RNF216: variants seen among roughly 807,000 people sequenced by gnomAD.
RNF216 encodes E3 ubiquitin-protein ligase RNF216.
A neutral mutation model predicts 110.8 loss-of-function variants in RNF216; 72 were observed. That is an observed-to-expected ratio of 0.65 (90% CI 0.54 to 0.79). The LOEUF is 0.79. Ranked by LOEUF, RNF216 falls within the 30% of genes least tolerant of loss-of-function variation. The pLI is 0.00. For missense variants in RNF216, 1,342 were observed against 1,141.2 expected, an observed-to-expected ratio of 1.18 and a Z score of -2.54; for synonymous variants, 495 against 407.5, an observed-to-expected ratio of 1.21 and a Z score of -2.59.
intron 13 of RNF216, among the ~76,000 whole-genome samples, chr7:5,668,682 G>A (rs1789694197): frequency 6.6e-6 from 1 of 152,198 alleles, no homozygotes; most frequent in Non-Finnish European, 1.5e-5. Context: ...ATAGGTGGGA[G>A]ACACCCAGAG....
chr7:5,644,990 A>G (rs1233360728), intron 14 of RNF216, among the ~76,000 whole-genome samples: 1 of 151,528 alleles, frequency 6.6e-6, no homozygotes, highest in Non-Finnish European at 1.5e-5. Flanking sequence ...ACGCCTGGCT[A>G]ATTTTTGCAT....
chr7:5,622,056 T>C lies in RNF216; in HGVS notation c.*804A>G, dbSNP rs1786399917. On this transcript the variant is annotated 3_prime_UTR_variant, in exon 17 of 17. Coordinates refer to ENST00000389902, the MANE Select transcript of RNF216 (RefSeq NM_207111.4). ...CTCATCACCCAGGGTGGCAGAAACG[T>C]CTCCCCCAGCAGTTGGGCTGCCCAG... is the stretch of plus-strand genomic sequence containing the variant. 6.6e-6 allele frequency: 1 copy of C among 152,154 alleles called. No homozygotes were observed. The highest frequency in any genetic ancestry group is 2.4e-5 in the African/African-American group (1 of 41,370). The allele number at this position is 152,154 out of a possible 1,614,324, so 9.4% of individuals were successfully genotyped here.
chr7:5,674,148 G>T (rs1216218276), intron 13 of RNF216, among the ~76,000 whole-genome samples: 1 of 151,812 alleles, frequency 6.6e-6, no homozygotes, highest in Non-Finnish European at 1.5e-5. Context: ...TCCTGCCTCA[G>T]CCTCCTGAAT....
Position 5,730,785 on chromosome 7 carries a change from T to TCC in RNF216, c.1153_1154insGG (p.Tyr385TrpfsTer11), listed in dbSNP as rs1794041551. On this transcript the variant is annotated frameshift_variant, in exon 6 of 17. Coordinates refer to ENST00000389902, the MANE Select transcript of RNF216 (RefSeq NM_207111.4). LOFTEE classifies it high-confidence loss of function. ...AATGATTCTGTCTTCTCTCTTTGGA[T>TCC]AATCTGGGTTTTCCAGAAGAAAATT... is the stretch of plus-strand genomic sequence containing the variant. The TCC allele has an allele frequency of 6.2e-7, 1 of 1,606,474 alleles. No individual in the cohort carries two copies. Among genetic ancestry groups the TCC allele is most frequent in the African/African-American group, 1.3e-5 (1 of 74,096 alleles).
intron 13 of RNF216, among the ~76,000 whole-genome samples, chr7:5,654,870 C>T (rs1369910557): frequency 1.3e-5 from 2 of 152,002 alleles, no homozygotes; most frequent in East Asian, 1.9e-4. Context: ...CTAACTATTA[C>T]CCACCGAAAC....
chr7:5,637,436 C>T (rs1787461959), intron 15 of RNF216, among the ~76,000 whole-genome samples: 1 of 152,228 alleles, frequency 6.6e-6, no homozygotes, highest in African/African-American at 2.4e-5. Context: ...CCCAGCTTCC[C>T]ACCCAGTTAG....
intron 13 of RNF216, among the ~76,000 whole-genome samples, chr7:5,660,686 T>G (rs529873407): frequency 6.6e-6 from 1 of 152,158 alleles, no homozygotes; most frequent in Non-Finnish European, 1.5e-5. Flanking sequence ...CAAGCGATCC[T>G]CCCACCTCAG....
chr7:5,685,358 T>C (rs1235344806), intron 13 of RNF216, among the ~76,000 whole-genome samples: 1 of 152,200 alleles, frequency 6.6e-6, no homozygotes, highest in Admixed American at 6.5e-5. Context: ...TCTGGGTCCA[T>C]GCTCTGTTGG....
At chr7:5,682,683 G>T (rs1272799600) in intron 13 of RNF216, among the ~76,000 whole-genome samples, 1 of 152,178 alleles carries the variant, frequency 6.6e-6, no homozygotes, top group South Asian at 2.1e-4. Flanking sequence ...CTGGGATATC[G>T]GCGTGAGCCT....
rs752803327 is a variant in RNF216, at chr7:5,769,716, GT to G, written c.-69-8579del. ...TCCAACCTGGGAGACAGTGAGAGCT[GT>G]CTCAAAAAAAAGAAAAAAAGAAAAA... is the stretch of plus-strand genomic sequence containing the variant. On this transcript the variant is annotated intron_variant, in intron 1 of 16. Coordinates refer to ENST00000389902, the MANE Select transcript of RNF216 (RefSeq NM_207111.4). 1.5e-4 allele frequency among the ~76,000 whole-genome samples: 23 copies of G among 149,698 alleles called. No individual in the cohort carries two copies. In the Middle Eastern group the frequency reaches 0.011, roughly 69 times the overall value.
chr7:5,708,374 C>T (rs1792435268), intron 13 of RNF216, among the ~76,000 whole-genome samples: 1 of 152,124 alleles, frequency 6.6e-6, no homozygotes, highest in Non-Finnish European at 1.5e-5. Flanking sequence ...CTTCGGCTGT[C>T]AATATTTGCT....
intron 16 of RNF216, 86 bp downstream of exon 16, chr7:5,623,970 G>T: frequency 8.6e-7 from 1 of 1,168,718 alleles, no homozygotes; most frequent in South Asian, 1.3e-5. Context: ...GTGCTGGGTT[G>T]AGTGCCAGGA....
At chr7:5,719,326 T>C (rs1793266873) in intron 9 of RNF216, among the ~76,000 whole-genome samples, 1 of 152,162 alleles carries the variant, frequency 6.6e-6, no homozygotes, top group African/African-American at 2.4e-5. Context: ...CAGTAAGCCA[T>C]GATTGCATCA....
chr7:5,702,965 T>C (rs1792064260), intron 13 of RNF216, among the ~76,000 whole-genome samples: 1 of 152,198 alleles, frequency 6.6e-6, no homozygotes, highest in South Asian at 2.1e-4. Context: ...CTGAGAGCTC[T>C]GCCAGGCACC....
chr7:5,761,372 T>G (rs1267832946), intron 1 of RNF216, among the ~76,000 whole-genome samples: 1 of 152,112 alleles, frequency 6.6e-6, no homozygotes, highest in Non-Finnish European at 1.5e-5. Context: ...AATGACATCT[T>G]GATACAAATA....
At chr7:5,758,861 T>C (rs77462745) in intron 2 of RNF216, among the ~76,000 whole-genome samples, 10,487 of 152,220 alleles carry the variant, frequency 0.069, 645 homozygotes, top group Admixed American at 0.2. Flanking sequence ...TTGGGGACTG[T>C]TGGGAAGACG....
At chr7:5,700,537 G>T (rs1791898820) in intron 13 of RNF216, among the ~76,000 whole-genome samples, 1 of 152,104 alleles carries the variant, frequency 6.6e-6, no homozygotes, top group Admixed American at 6.5e-5. Flanking sequence ...GTGGTTTCTA[G>T]AAAGAGGGCC....
intron 14 of RNF216, among the ~76,000 whole-genome samples, chr7:5,645,650 G>T (rs1238472072): frequency 2.0e-5 from 3 of 151,730 alleles, no homozygotes; most frequent in Non-Finnish European, 4.4e-5. Context: ...GTGTGCAGTG[G>T]TGCAGTCTCA....
At chr7:5,671,085 AC>A (rs1479447827) in intron 13 of RNF216, among the ~76,000 whole-genome samples, 3 of 152,250 alleles carry the variant, frequency 2.0e-5, no homozygotes, top group Admixed American at 2.0e-4. Context: ...TCTAAATAAC[AC>A]AGATGGACAA....
Sources: gnomAD v4.1 joint callset for allele counts (sites outside exome capture counted in the v4.1 genomes callset) on GRCh38, gnomAD v4.1.1 for gene constraint, MANE v1.5 for transcripts, NCBI Gene and HGNC (gene_info 2026-07-23, HGNC 2026-07-21) for gene names.